GOPC: variants seen among roughly 807,000 people sequenced by gnomAD.
GOPC encodes the protein golgi associated PDZ and coiled-coil motif containing.
Under a neutral mutation model 51.2 loss-of-function variants are expected in GOPC, and 32 were observed. The observed-to-expected ratio is 0.63, with a 90% CI of 0.47 to 0.84. The LOEUF (loss-of-function observed/expected upper bound fraction) is 0.84. GOPC is among the 40% of genes least tolerant of loss of function. GOPC has a pLI of 0.00. For missense variants in GOPC, 441 were observed against 555.5 expected, an observed-to-expected ratio of 0.79 and a Z score of 2.07; for synonymous variants, 190 against 205.1, an observed-to-expected ratio of 0.93 and a Z score of 0.63.
At chr6:117,579,408 G>A (rs539727473) in intron 1 of GOPC, among the ~76,000 whole-genome samples, 4 of 152,202 alleles carry the variant, frequency 2.6e-5, no homozygotes, top group African/African-American at 9.6e-5. Flanking sequence ...TCACCATGTG[G>A]TAGAGACAAT....
chr6:117,578,875 G>T (rs1385369843), intron 2 of GOPC, 25 bp downstream of exon 2: 6 of 1,517,254 alleles, frequency 4.0e-6, no homozygotes, highest in Non-Finnish European at 5.3e-6. Context: ...ACATGCAAGG[G>T]CATGTCACTC....
At chr6:117,601,319 T>C (rs1320594726) in intron 1 of GOPC, among the ~76,000 whole-genome samples, 1 of 152,158 alleles carries the variant, frequency 6.6e-6, no homozygotes, top group Non-Finnish European at 1.5e-5. Flanking sequence ...AATGATTCTT[T>C]ACACTCTCTC....
At chr6:117,577,995 T>A (rs1204139028) in intron 2 of GOPC, among the ~76,000 whole-genome samples, 2 of 152,118 alleles carry the variant, frequency 1.3e-5, no homozygotes, top group Non-Finnish European at 2.9e-5. Flanking sequence ...ATCATCAACA[T>A]CATTTCATGT....
chr6:117,600,357 G>C (rs1029974696), intron 1 of GOPC, among the ~76,000 whole-genome samples: 2 of 152,176 alleles, frequency 1.3e-5, no homozygotes, highest in African/African-American at 4.8e-5. Flanking sequence ...CATAAGAACA[G>C]AGTACTCATG....
intron 1 of GOPC, among the ~76,000 whole-genome samples, chr6:117,597,158 T>C (rs992716358): frequency 1.3e-5 from 2 of 152,172 alleles, no homozygotes; most frequent in Non-Finnish European, 2.9e-5. Context: ...CTTATAAAAG[T>C]GGCTGATTCT....
At chr6:117,581,880 G>A (rs910834074) in intron 1 of GOPC, among the ~76,000 whole-genome samples, 6 of 151,996 alleles carry the variant, frequency 3.9e-5, no homozygotes, top group African/African-American at 1.5e-4. Flanking sequence ...TATCTAGGAG[G>A]GAAGCTTCTG....
At chr6:117,581,024 C>T (rs1439648373) in intron 1 of GOPC, among the ~76,000 whole-genome samples, 1 of 151,888 alleles carries the variant, frequency 6.6e-6, no homozygotes, top group Non-Finnish European at 1.5e-5. Context: ...CTTATATAGA[C>T]ATGAGAGAAA....
rs77459638 is a variant in GOPC, at chr6:117,581,882, A to G, written c.286-2818T>C. ...TCTCTTGAGTATATATCTAGGAGGG[A>G]AGCTTCTGGGTTACAGAGTATGTAC... is the stretch of plus-strand genomic sequence containing the variant. On this transcript the variant is annotated intron_variant, in intron 1 of 8. Transcript: ENST00000368498. Among the ~76,000 whole-genome samples the G allele has an allele frequency of 3.3e-3, 508 of 152,174 alleles. 3 individuals carry two copies. The highest frequency in any genetic ancestry group is 0.012 in the African/African-American group (486 of 41,514).
chr6:117,573,747 T>A (rs1779839861), intron 4 of GOPC, 115 bp from the exon 5 acceptor site: 1 of 792,366 alleles, frequency 1.3e-6, no homozygotes, highest in Non-Finnish European at 2.0e-6. Flanking sequence ...GTGATAAAAC[T>A]AATACTCACG....
chr6:117,598,196 T>TAA (rs532086597), intron 1 of GOPC, among the ~76,000 whole-genome samples: 15,748 of 125,982 alleles, frequency 0.13, 1,348 homozygotes, highest in East Asian at 0.29. Flanking sequence ...CCATCTCTAC[T>TAA]AAAAAAAAAA....
intron 1 of GOPC, among the ~76,000 whole-genome samples, chr6:117,599,819 CA>C (rs895438377): frequency 1.3e-5 from 2 of 151,826 alleles, no homozygotes; most frequent in Admixed American, 6.6e-5. Context: ...TATTTAAAGA[CA>C]AAAAAAATGG....
intron 3 of GOPC, chr6:117,575,575 T>C (rs767076627): frequency 5.1e-5 from 37 of 721,470 alleles, no homozygotes; most frequent in Non-Finnish European, 7.9e-5. Context: ...ATATGGAGTA[T>C]AGTAAGAAAA....
chr6:117,580,777 C>G (rs1779945596), intron 1 of GOPC, among the ~76,000 whole-genome samples: 1 of 152,082 alleles, frequency 6.6e-6, no homozygotes, highest in Non-Finnish European at 1.5e-5. Context: ...GAAATGAAGA[C>G]AAGGACACAG....
At chr6:117,572,226 T>G (rs1464476367) in intron 5 of GOPC, among the ~76,000 whole-genome samples, 1 of 152,154 alleles carries the variant, frequency 6.6e-6, no homozygotes, top group Non-Finnish European at 1.5e-5. Flanking sequence ...TCCCAGTGAA[T>G]GCCAGATCTC....
intron 1 of GOPC, among the ~76,000 whole-genome samples, chr6:117,597,077 A>C (rs1170975555): frequency 6.6e-6 from 1 of 152,152 alleles, no homozygotes; most frequent in East Asian, 1.9e-4. Context: ...AGTGTTTTAT[A>C]GTTTTCTTTG....
intron 1 of GOPC, among the ~76,000 whole-genome samples, chr6:117,583,075 G>A (rs1779983542): frequency 6.6e-6 from 1 of 152,102 alleles, no homozygotes; most frequent in African/African-American, 2.4e-5. Flanking sequence ...GCTCCTGCAG[G>A]TACTAAAGCA....
intron 1 of GOPC, among the ~76,000 whole-genome samples, chr6:117,587,564 G>C (rs569308239): frequency 7.3e-4 from 111 of 151,854 alleles, no homozygotes; most frequent in African/African-American, 2.4e-3. Flanking sequence ...CTGTATGAAA[G>C]AAACTAAGAG....
chr6:117,564,997 A>G (rs147508841), intron 8 of GOPC, among the ~76,000 whole-genome samples: 2 of 152,326 alleles, frequency 1.3e-5, no homozygotes, highest in Admixed American at 1.3e-4. Context: ...CTAAGCATTG[A>G]GGACTCCAAG....
rs976406975 is a variant in GOPC at position 117,563,102 on chromosome 6, T to C, written c.*152A>G. The C allele has an allele frequency of 2.6e-5, 17 of 652,518 alleles. No homozygotes were observed. The Middle Eastern group carries it at 1.3e-3, about 50-fold the overall frequency. The allele number at this position is 652,518 out of a possible 1,614,324, so 40.4% of individuals were successfully genotyped here. On this transcript the variant is annotated 3_prime_UTR_variant, in exon 9 of 9. Transcript: ENST00000368498. ...CACAGAAAACAGGGTGTTTTATGCA[T>C]TGAGAATTGTTCACATGAAGCCCTG...
Sources: allele counts gnomAD v4.1 joint callset (sites outside exome capture counted in the v4.1 genomes callset), GRCh38; gene constraint gnomAD v4.1.1; transcripts MANE v1.5; gene names NCBI Gene and HGNC (gene_info 2026-07-23, HGNC 2026-07-21).